Variants in RBM18 observed in about 807,000 individuals in gnomAD.
RBM18 encodes the protein probable RNA-binding protein 18.
A neutral mutation model predicts 26.4 loss-of-function variants in RBM18; 18 were observed. That is an observed-to-expected ratio of 0.68 (90% CI 0.47 to 1.01). RBM18 has a LOEUF of 1.01. RBM18 is among the 50% of genes least tolerant of loss of function. The probability of loss-of-function intolerance (pLI) is 0.00; values close to 1 mark genes in which losing one functional copy is unlikely to be tolerated. For missense variants in RBM18, 180 were observed against 219.2 expected, an observed-to-expected ratio of 0.82 and a Z score of 1.13; for synonymous variants, 74 against 81.1, an observed-to-expected ratio of 0.91 and a Z score of 0.47.
At position 122,241,526 on chromosome 9, in the gene RBM18, A is replaced by G. The variant is rs1831421084; in HGVS notation, c.*358T>C. 2 of 163,912 alleles carry G rather than the reference A, an allele frequency of 1.2e-5. No homozygotes were observed. Among genetic ancestry groups the G allele is most frequent in the Non-Finnish European group, 2.6e-5 (2 of 75,984 alleles). The allele number at this position is 163,912 out of a possible 1,614,324, so 10.2% of individuals were successfully genotyped here. ...GCGTAGAAAAATGCTCAATTTTTTA[A>G]TAGATGTTAATATTTTTAGTTTCCT... is the stretch of plus-strand genomic sequence containing the variant. On this transcript the variant is annotated 3_prime_UTR_variant, in exon 6 of 6. Transcript: ENST00000417201.
At chr9:122,263,221 T>C (rs1831855593) in intron 1 of RBM18, among the ~76,000 whole-genome samples, 1 of 152,222 alleles carries the variant, frequency 6.6e-6, no homozygotes, top group Admixed American at 6.5e-5. Context: ...TTGAATACCC[T>C]GCACATGAGG....
chr9:122,253,025 A>G (rs1831629600), intron 2 of RBM18, among the ~76,000 whole-genome samples: 1 of 152,154 alleles, frequency 6.6e-6, no homozygotes, highest in South Asian at 2.1e-4. Context: ...CCTCCGTGCT[A>G]TTCAAATGGA....
chr9:122,247,568 A>C lies in RBM18; in HGVS notation c.277T>G (p.Leu93Val). The change falls in exon 4 of 6, where the codon TTG becomes GTG. Residue 93 changes from leucine to valine, a missense_variant. Transcript: ENST00000417201. The part of the protein sequence containing the change: ...EQAIQCLNGK[L>V]ALSKKLVVRW... ...ACCACCAGCTTCTTGGACAGGGCCA[A>C]CTTGCCATTGAGACACTGGATGGCT... 3 of 1,614,030 alleles carry C rather than the reference A, an allele frequency of 1.9e-6. No homozygotes were observed. The highest frequency in any genetic ancestry group is 1.7e-6 in the Non-Finnish European group (2 of 1,180,004).
chr9:122,237,757 T>C lies in RBM18; in HGVS notation c.*4127A>G, dbSNP rs1831351507. The C allele has an allele frequency of 1.3e-5, 2 of 152,230 alleles. No homozygotes were observed. The highest frequency in any genetic ancestry group is 6.5e-5 in the Admixed American group (1 of 15,290). The allele number at this position is 152,230 out of a possible 1,614,324, so 9.4% of individuals were successfully genotyped here. A position where few individuals can be genotyped will look rare whatever the true frequency, so the allele number is the denominator to read the frequency against. ...ATTTTTCCTGTAAAGGGACCGATAG[T>C]ATATATTTCAGGTTTTGTAGGCCAC... On this transcript the variant is annotated 3_prime_UTR_variant, in exon 6 of 6. Coordinates refer to ENST00000417201, the MANE Select transcript of RBM18 (RefSeq NM_033117.4).
At chr9:122,247,806 T>TG (rs1831529067) in intron 3 of RBM18, among the ~76,000 whole-genome samples, 1 of 126,038 alleles carries the variant, frequency 7.9e-6, no homozygotes, top group South Asian at 2.7e-4. Flanking sequence ...TTTTTTGAGA[T>TG]GGAGTCTTGC....
intron 3 of RBM18, among the ~76,000 whole-genome samples, chr9:122,248,748 G>C (rs1782835666): frequency 6.6e-6 from 1 of 152,220 alleles, no homozygotes; most frequent in South Asian, 2.1e-4. Context: ...ATTCAGCCAA[G>C]TGTAACCCAT....
intron 4 of RBM18, 72 bp from the exon 5 acceptor site, chr9:122,245,413 G>C (rs1240763514): frequency 5.8e-6 from 5 of 862,396 alleles, no homozygotes; most frequent in Non-Finnish European, 9.8e-6. Flanking sequence ...GATGGGTTCA[G>C]AAACTAATAC....
At chr9:122,251,109 G>A (rs996311704) in intron 3 of RBM18, among the ~76,000 whole-genome samples, 2 of 151,894 alleles carry the variant, frequency 1.3e-5, no homozygotes, top group African/African-American at 4.8e-5. Flanking sequence ...TTTAGAGACA[G>A]GGTCTCACTA....
intron 5 of RBM18, among the ~76,000 whole-genome samples, chr9:122,243,146 T>C (rs1831451170): frequency 6.6e-6 from 1 of 152,066 alleles, no homozygotes; most frequent in African/African-American, 2.4e-5. Flanking sequence ...TTTTTTTAAC[T>C]TTTTTTGTAG....
intron 2 of RBM18, among the ~76,000 whole-genome samples, chr9:122,256,171 C>A (rs1012046825): frequency 6.6e-6 from 1 of 152,102 alleles, no homozygotes; most frequent in African/African-American, 2.4e-5. Context: ...TTTTAAAGAC[C>A]CTGTCTTAAC....
At chr9:122,250,068 T>TAA (rs59558933) in intron 3 of RBM18, among the ~76,000 whole-genome samples, 2 of 107,178 alleles carry the variant, frequency 1.9e-5, no homozygotes, top group Non-Finnish European at 3.6e-5. Flanking sequence ...AGACCTTATT[T>TAA]AAAAAAAAAA....
chr9:122,247,121 G>A (rs779918540), intron 4 of RBM18, among the ~76,000 whole-genome samples: 42 of 152,146 alleles, frequency 2.8e-4, no homozygotes, highest in Non-Finnish European at 5.1e-4. Flanking sequence ...TGTCTCAAGC[G>A]TTTAGAATAA....
chr9:122,264,593 C>G (rs762049178), intron 1 of RBM18, 122 bp downstream of exon 1: 1 of 152,276 alleles, frequency 6.6e-6, no homozygotes, highest in African/African-American at 2.4e-5. Context: ...TTGTTATTTC[C>G]GGGCCAGCGA....
chr9:122,245,824 A>C (rs111388873), intron 4 of RBM18, among the ~76,000 whole-genome samples: 1,856 of 151,908 alleles, frequency 0.012, 17 homozygotes, highest in Middle Eastern at 0.027. Context: ...ATTTAAAAAA[A>C]AAAAACAAAA....
intron 5 of RBM18, chr9:122,243,888 G>GA: frequency 3.0e-6 from 3 of 984,186 alleles, no homozygotes; most frequent in Non-Finnish European, 2.4e-6. Flanking sequence ...AAAATAGATG[G>GA]AAAACCCTAG....
chr9:122,263,286 A>G (rs1831859476), intron 1 of RBM18, among the ~76,000 whole-genome samples: 1 of 152,240 alleles, frequency 6.6e-6, no homozygotes, highest in African/African-American at 2.4e-5. Flanking sequence ...ATGTAAGTCA[A>G]GCAACTAGGA....
At chr9:122,253,032 T>G (rs902850400) in intron 2 of RBM18, among the ~76,000 whole-genome samples, 2 of 152,210 alleles carry the variant, frequency 1.3e-5, no homozygotes, top group Non-Finnish European at 2.9e-5. Flanking sequence ...GCTATTCAAA[T>G]GGAGTCAAGG....
chr9:122,258,695 T>C (rs967152572), intron 2 of RBM18, among the ~76,000 whole-genome samples: 1 of 151,760 alleles, frequency 6.6e-6, no homozygotes, highest in Admixed American at 6.6e-5. Flanking sequence ...ATCCCAACAC[T>C]TTGGGAGGCT....
At chr9:122,262,160 A>C (rs1276315660) in intron 1 of RBM18, among the ~76,000 whole-genome samples, 1 of 152,208 alleles carries the variant, frequency 6.6e-6, no homozygotes, top group African/African-American at 2.4e-5. Context: ...TGTATCTAAC[A>C]ACAGTAAGTA....
Sources: allele counts gnomAD v4.1 joint callset (sites outside exome capture counted in the v4.1 genomes callset), GRCh38; gene constraint gnomAD v4.1.1; transcripts MANE v1.5; gene names NCBI Gene and HGNC (gene_info 2026-07-23, HGNC 2026-07-21).